The following CALB2 variants were observed in gnomAD, a reference collection of about 807,000 sequenced individuals.
CALB2 encodes the protein calbindin 2.
Under a neutral mutation model 45.9 loss-of-function variants are expected in CALB2, and 34 were observed. That is an observed-to-expected ratio of 0.74 (90% confidence interval 0.56 to 0.99). The LOEUF is 0.99. Ranked by LOEUF, CALB2 falls within the 50% of genes least tolerant of loss-of-function variation. The probability of loss-of-function intolerance (pLI) is 0.00; values close to 1 mark genes in which losing one functional copy is unlikely to be tolerated. For missense variants in CALB2, 344 were observed against 339.3 expected (o/e 1.01, Z -0.11); for synonymous variants, 142 against 129.6 (o/e 1.10, Z -0.65).
At chr16:71,388,334 CAAAAAAA>C (rs71153632) in intron 10 of CALB2, among the ~76,000 whole-genome samples, 1 of 103,430 alleles carries the variant, frequency 9.7e-6, no homozygotes, top group Non-Finnish European at 1.8e-5. Context: ...GACCTTATCT[CAAAAAAA>C]AAAAAAAAAA....
chr16:71,364,608 C>G (rs930844905), intron 1 of CALB2, among the ~76,000 whole-genome samples: 12 of 152,314 alleles, frequency 7.9e-5, no homozygotes, highest in Admixed American at 3.3e-4. Flanking sequence ...CCAATCTGCC[C>G]TATCCTTCTG....
intron 1 of CALB2, among the ~76,000 whole-genome samples, chr16:71,365,791 T>G (rs1290719841): frequency 6.6e-6 from 1 of 151,982 alleles, no homozygotes; most frequent in East Asian, 1.9e-4. Flanking sequence ...ACCCTAAAGT[T>G]TGAGACATGC....
intron 3 of CALB2, among the ~76,000 whole-genome samples, chr16:71,376,767 A>G (rs917360000): frequency 2.0e-5 from 3 of 151,696 alleles, no homozygotes; most frequent in Non-Finnish European, 2.9e-5. Flanking sequence ...AACCACATAT[A>G]TCTACATGCA....
intron 1 of CALB2, among the ~76,000 whole-genome samples, chr16:71,363,192 ATAAC>A (rs1484119073): frequency 5.3e-5 from 8 of 152,244 alleles, no homozygotes; most frequent in Non-Finnish European, 8.8e-5. Context: ...CTTTAAAAAA[ATAAC>A]TAACTAAATA....
chr16:71,363,575 C>T (rs1174393305), intron 1 of CALB2, among the ~76,000 whole-genome samples: 2 of 152,268 alleles, frequency 1.3e-5, no homozygotes, highest in South Asian at 4.1e-4. Context: ...TTCCAGGGCA[C>T]GGGTCACTGC....
At chr16:71,365,687 G>T (rs1459735929) in intron 1 of CALB2, among the ~76,000 whole-genome samples, 4 of 152,106 alleles carry the variant, frequency 2.6e-5, no homozygotes, top group Admixed American at 2.6e-4. Flanking sequence ...CTGGTCCACA[G>T]ACTGCACTTT....
intron 1 of CALB2, among the ~76,000 whole-genome samples, chr16:71,369,777 C>CTGA (rs571030886): frequency 0.095 from 4,189 of 44,018 alleles, 192 homozygotes; most frequent in African/African-American, 0.27. Flanking sequence ...TACAAAGCCT[C>CTGA]CGAGAAGAAT....
At position 71,374,829 on chromosome 16, in the gene CALB2, G is replaced by A. The variant is rs1159314849; in HGVS notation, c.256G>A (p.Ala86Thr). The part of the protein sequence containing the change: ...DKNSDGKIEM[A>T]ELAQILPTEE... ...AAACTCAGATGGGAAAATCGAGATG[G>A]CAGAGGTGAGCCCTGCCTCGCTGGT... The change falls in exon 3 of 11, where the codon GCA becomes ACA. Residue 86 changes from alanine (A) to threonine (T), a missense_variant. Transcript: ENST00000302628. The A allele has an allele frequency of 1.2e-6, 2 of 1,607,868 alleles. No homozygotes were observed. The highest frequency in any genetic ancestry group is 3.3e-5 in the Admixed American group (2 of 59,994).
intron 9 of CALB2, chr16:71,385,291 C>T (rs755857076): frequency 2.5e-6 from 1 of 397,798 alleles, no homozygotes; most frequent in Non-Finnish European, 4.5e-6. Flanking sequence ...TTTAAATAGC[C>T]CCCGGACTCA....
chr16:71,387,135 A>T (rs1013175308), intron 10 of CALB2, among the ~76,000 whole-genome samples: 2 of 152,204 alleles, frequency 1.3e-5, no homozygotes, highest in African/African-American at 4.8e-5. Flanking sequence ...AGGTGGATAA[A>T]CCCTGAAGAC....
intron 1 of CALB2, among the ~76,000 whole-genome samples, chr16:71,371,028 T>C (rs528800594): frequency 2.0e-5 from 3 of 152,342 alleles, no homozygotes; most frequent in African/African-American, 7.2e-5. Flanking sequence ...TAGGCACGGG[T>C]TCTGGTAATG....
At chr16:71,373,326 G>A (rs958277984) in intron 2 of CALB2, among the ~76,000 whole-genome samples, 9 of 152,098 alleles carry the variant, frequency 5.9e-5, no homozygotes, top group African/African-American at 2.2e-4. Context: ...TTGGCAGAGC[G>A]CCCCAATGAG....
intron 2 of CALB2, 113 bp downstream of exon 2, chr16:71,372,342 C>G (rs1188960741): frequency 1.4e-6 from 1 of 696,946 alleles, no homozygotes; most frequent in African/African-American, 1.8e-5. Context: ...GGTCTTGACA[C>G]AGCATTTTAT....
intron 2 of CALB2, among the ~76,000 whole-genome samples, chr16:71,372,571 T>C (rs940354742): frequency 1.3e-5 from 2 of 152,192 alleles, no homozygotes; most frequent in African/African-American, 2.4e-5. Context: ...TTAGGGGTCA[T>C]GATTCCAGAT....
chr16:71,365,588 G>A (rs2042275383), intron 1 of CALB2, among the ~76,000 whole-genome samples: 1 of 152,036 alleles, frequency 6.6e-6, no homozygotes, highest in South Asian at 2.1e-4. Context: ...TAGATTGTTG[G>A]GCACCACCCC....
chr16:71,383,226 G>T, intron 5 of CALB2, 141 bp from the exon 6 acceptor site: 1 of 787,078 alleles, frequency 1.3e-6, no homozygotes, highest in East Asian at 2.7e-5. Context: ...TAGGAATTAT[G>T]AGGGCCCTGA....
At chr16:71,382,610 G>C (rs1230184513) in intron 4 of CALB2, 109 bp from the exon 5 acceptor site, 3 of 1,002,496 alleles carry the variant, frequency 3.0e-6, no homozygotes, top group African/African-American at 1.6e-5. Context: ...ATCCCATTCC[G>C]ATATTCTTGA....
chr16:71,379,581 C>A (rs1231643504), intron 4 of CALB2, among the ~76,000 whole-genome samples: 2 of 152,184 alleles, frequency 1.3e-5, no homozygotes, highest in Non-Finnish European at 2.9e-5. Flanking sequence ...CATATGCATC[C>A]CTCAGAGTGA....
chr16:71,367,124 C>T (rs62055047), intron 1 of CALB2, among the ~76,000 whole-genome samples: 15,117 of 152,096 alleles, frequency 0.099, 988 homozygotes, highest in South Asian at 0.16. Flanking sequence ...GAAGTATTGT[C>T]TCACTTTAAA....
Sources: gnomAD v4.1 joint callset for allele counts (sites outside exome capture counted in the v4.1 genomes callset) on GRCh38, gnomAD v4.1.1 for gene constraint, MANE v1.5 for transcripts, NCBI Gene and HGNC (gene_info 2026-07-23, HGNC 2026-07-21) for gene names.